The following CSRNP3 variants were observed in gnomAD, a reference collection of about 807,000 sequenced individuals.
The protein encoded by CSRNP3 is cysteine and serine rich nuclear protein 3, also known as cysteine/serine-rich nuclear protein 3.
In CSRNP3, 12 loss-of-function variants were observed where a neutral mutation model predicts 48.0. That is an observed-to-expected ratio of 0.25 (90% confidence interval 0.16 to 0.41). The LOEUF (loss-of-function observed/expected upper bound fraction) is 0.41, where lower values mean the gene tolerates loss of function less well. Ranked by LOEUF, CSRNP3 falls within the 10% of genes least tolerant of loss-of-function variation. The pLI is 1.00. For missense variants in CSRNP3, 580 were observed against 724.4 expected, an observed-to-expected ratio of 0.80 and a Z score of 2.29; for synonymous variants, 263 against 269.7, an observed-to-expected ratio of 0.98 and a Z score of 0.24.
intron 3 of CSRNP3, among the ~76,000 whole-genome samples, chr2:165,565,606 A>G (rs1304433758): frequency 6.6e-6 from 1 of 152,096 alleles, no homozygotes; most frequent in Admixed American, 6.6e-5. Flanking sequence ...ATAGACCTGA[A>G]TAATGAATAC....
At chr2:165,539,331 T>C (rs1455651832) in intron 3 of CSRNP3, among the ~76,000 whole-genome samples, 1 of 151,988 alleles carries the variant, frequency 6.6e-6, no homozygotes, top group Non-Finnish European at 1.5e-5. Context: ...GCTAGTACAC[T>C]GAATTTTCAT....
intron 3 of CSRNP3, among the ~76,000 whole-genome samples, chr2:165,531,137 G>A (rs1263052462): frequency 2.0e-5 from 3 of 151,972 alleles, no homozygotes; most frequent in African/African-American, 7.2e-5. Context: ...ACAGCTATCT[G>A]TATGTATACT....
chr2:165,631,737 C>G (rs972999054), intron 4 of CSRNP3, among the ~76,000 whole-genome samples: 1 of 152,160 alleles, frequency 6.6e-6, no homozygotes, highest in South Asian at 2.1e-4. Flanking sequence ...TAGCAAACTA[C>G]AGCCTTGCAG....
rs374516256 is a variant in CSRNP3 at position 165,592,801 on chromosome 2, C to CTTTTTTTTTTTTTTTTTTTTTTTT, written c.-23-2242_-23-2241insTTTTTTTTTTTTTTTTTTTTTTTT. Among the ~76,000 whole-genome samples the CTTTTTTTTTTTTTTTTTTTTTTTT allele has an allele frequency of 1.5e-5, 2 of 133,444 alleles. 1 individual carries two copies. 87.5% of individuals were successfully genotyped at this position (133,444 alleles called of 152,430 possible). On this transcript the variant is annotated intron_variant, in intron 3 of 6. Transcript: ENST00000651982. ...ACTGTGAGTCAATTAAACCTCTTTT[C>CTTTTTTTTTTTTTTTTTTTTTTTT]ATTTTTTTTTTTTTTTTTGAGACGG...
rs182033724 is a variant in CSRNP3 at position 165,524,137 on chromosome 2, A to C, written c.-24+6176A>C. ...GCACTGCCAAAATAATCATAACTCA[A>C]TGAAGAAGCTCTCCAAGGAAAGTCG... On this transcript the variant is annotated intron_variant, in intron 3 of 6. Coordinates refer to ENST00000651982, the MANE Select transcript of CSRNP3 (RefSeq NM_001172173.2). Among the ~76,000 whole-genome samples, 43 of 152,304 alleles carry C rather than the reference A, an allele frequency of 2.8e-4. No homozygotes were observed. The East Asian group carries it at 8.1e-3, about 29-fold the overall frequency.
At chr2:165,534,581 T>G (rs926132999) in intron 3 of CSRNP3, among the ~76,000 whole-genome samples, 3 of 151,828 alleles carry the variant, frequency 2.0e-5, no homozygotes, top group African/African-American at 7.2e-5. Context: ...AGTAAAAAAT[T>G]GAAAAAACTT....
chr2:165,669,189 A>G (rs888216672), intron 5 of CSRNP3, among the ~76,000 whole-genome samples: 1 of 152,112 alleles, frequency 6.6e-6, no homozygotes, highest in African/African-American at 2.4e-5. Context: ...TCTGGAAATC[A>G]CTCTCTTTTT....
chr2:165,574,576 C>T, intron 3 of CSRNP3: 1 of 526,406 alleles, frequency 1.9e-6, no homozygotes. Context: ...TAATTTTCTT[C>T]TTCGTATTTC....
intron 5 of CSRNP3, among the ~76,000 whole-genome samples, chr2:165,669,333 C>A (rs1053370360): frequency 6.6e-6 from 1 of 152,146 alleles, no homozygotes; most frequent in Non-Finnish European, 1.5e-5. Context: ...TCAATCTATA[C>A]TTTTAGTATT....
chr2:165,484,876 A>T (rs961859910), intron 1 of CSRNP3, among the ~76,000 whole-genome samples: 9 of 152,214 alleles, frequency 5.9e-5, no homozygotes, highest in Admixed American at 2.0e-4. Flanking sequence ...CTAGAATAAA[A>T]CAATTCCTTT....
chr2:165,587,991 G>A (rs1035820014), intron 3 of CSRNP3, among the ~76,000 whole-genome samples: 2 of 152,128 alleles, frequency 1.3e-5, no homozygotes, highest in Non-Finnish European at 2.9e-5. Context: ...TATATACAAG[G>A]CATTGTTCTA....
At chr2:165,602,242 A>C (rs1162521866) in intron 4 of CSRNP3, among the ~76,000 whole-genome samples, 1 of 152,134 alleles carries the variant, frequency 6.6e-6, no homozygotes, top group Non-Finnish European at 1.5e-5. Flanking sequence ...TAATATGCTT[A>C]TAAGAAACAG....
rs1226531057 is a variant in CSRNP3, at chr2:165,487,830, G to A, written c.-282-6929G>A. The stretch of plus-strand genomic sequence containing the variant: ...TGGAAAGGAACAACCGGTACCAGCC[G>A]CTGCAAAATCATGCCAAAATGTAAA... On this transcript the variant is annotated intron_variant, in intron 1 of 6. Transcript: ENST00000651982. 2.2e-4 allele frequency among the ~76,000 whole-genome samples: 32 copies of A among 148,268 alleles called. 1 individual carries two copies. The highest frequency in any genetic ancestry group is 5.1e-4 in the African/African-American group (20 of 39,362).
Position 165,678,950 on chromosome 2 carries a change from A to G in CSRNP3, c.955A>G (p.Ile319Val), listed in dbSNP as rs758424330. ...ATATTCAATCGCAGACAGTTTTGAG[A>G]TTGAAACTGAGCCCCAGGCTGCAGT... ...VEYSIADSFEIETEPQAAVLH... is the reference protein window; with the variant it reads ...VEYSIADSFEVETEPQAAVLH... The change falls in exon 7 of 7, where the codon ATT (isoleucine) becomes GTT (valine). Residue 319 changes from isoleucine to valine, a missense_variant. Ile to Val is a conservative substitution (Grantham distance 29). This residue lies in a region of CSRNP3 where 369 missense variants were observed against 380.8 expected (regional missense o/e 0.97). Transcript: ENST00000651982. 1.2e-5 allele frequency: 19 copies of G among 1,613,954 alleles called. No homozygotes were observed. The South Asian group carries it at 2.0e-4, about 17-fold the overall frequency.
intron 3 of CSRNP3, among the ~76,000 whole-genome samples, chr2:165,567,516 G>A (rs1685313736): frequency 6.6e-6 from 1 of 152,000 alleles, no homozygotes; most frequent in Non-Finnish European, 1.5e-5. Flanking sequence ...ATTCTGAATG[G>A]CCATTCACTG....
intron 4 of CSRNP3, among the ~76,000 whole-genome samples, chr2:165,606,605 C>T (rs1269338249): frequency 6.6e-6 from 1 of 152,050 alleles, no homozygotes; most frequent in African/African-American, 2.4e-5. Flanking sequence ...GCATGAGTGT[C>T]AGGTGATTGA....
chr2:165,595,976 A>AT (rs1198828556), intron 4 of CSRNP3, among the ~76,000 whole-genome samples: 2 of 151,510 alleles, frequency 1.3e-5, no homozygotes, highest in Non-Finnish European at 2.9e-5. Flanking sequence ...ATTTTATTTT[A>AT]TTTTTTGTAT....
At chr2:165,542,288 C>T (rs1049342881) in intron 3 of CSRNP3, among the ~76,000 whole-genome samples, 10 of 152,036 alleles carry the variant, frequency 6.6e-5, no homozygotes, top group Admixed American at 5.3e-4. Context: ...ATGAAGCTTT[C>T]GAAAGAAAAA....
At chr2:165,515,711 T>G (rs1684572105) in intron 2 of CSRNP3, among the ~76,000 whole-genome samples, 1 of 151,956 alleles carries the variant, frequency 6.6e-6, no homozygotes, top group Non-Finnish European at 1.5e-5. Context: ...AAGTTGACCT[T>G]AAATTATGAA....
Sources: gnomAD v4.1 joint callset for allele counts (sites outside exome capture counted in the v4.1 genomes callset) on GRCh38, gnomAD v4.1.1 for gene constraint, gnomAD v4.1.1 regional missense constraint, MANE v1.5 for transcripts, NCBI Gene and HGNC (gene_info 2026-07-23, HGNC 2026-07-21) for gene names.